Variants in NKAIN2 observed in about 807,000 individuals in gnomAD.
NKAIN2 encodes sodium/potassium-transporting ATPase subunit beta-1-interacting protein 2.
In NKAIN2, 14 loss-of-function variants were observed where a neutral mutation model predicts 32.6. That is an observed-to-expected ratio of 0.43 (90% CI 0.28 to 0.67). The LOEUF is 0.67. Ranked by LOEUF, NKAIN2 falls within the 30% of genes least tolerant of loss-of-function variation. The pLI is 0.17. For synonymous variants in NKAIN2, 80 were observed against 87.2 expected, an observed-to-expected ratio of 0.92 and a Z score of 0.46; for missense variants, 198 against 258.3, an observed-to-expected ratio of 0.77 and a Z score of 1.60.
chr6:124,674,211 T>C (rs1234051285), intron 4 of NKAIN2, among the ~76,000 whole-genome samples: 1 of 151,998 alleles, frequency 6.6e-6, no homozygotes, highest in Non-Finnish European at 1.5e-5. Context: ...TCTGTTTCAT[T>C]AGTCTATATG....
chr6:124,622,624 G>A (rs1032908222), intron 3 of NKAIN2, among the ~76,000 whole-genome samples: 2 of 152,098 alleles, frequency 1.3e-5, no homozygotes, highest in East Asian at 3.9e-4. Context: ...GATCACATTC[G>A]GGCTTAAAGG....
chr6:124,726,050 G>T (rs1348476216), intron 4 of NKAIN2, among the ~76,000 whole-genome samples: 3 of 152,220 alleles, frequency 2.0e-5, no homozygotes, highest in African/African-American at 7.2e-5. Flanking sequence ...CTGGCTTGGA[G>T]GGTCCTACGC....
At position 124,551,707 on chromosome 6, in the gene NKAIN2, T is replaced by A. The variant is rs530224529; in HGVS notation, c.274-106479T>A. Among the ~76,000 whole-genome samples, 4 of 152,348 alleles carry A rather than the reference T, an allele frequency of 2.6e-5. No individual in the cohort carries two copies. In the East Asian group the frequency reaches 7.7e-4, roughly 29 times the overall value. ...TGACAGCATCATTGTCAATCTTTTATCTGAAAACATTTCCTGTATCCCAAT... is the reference window on the plus strand; with the variant it reads ...TGACAGCATCATTGTCAATCTTTTAACTGAAAACATTTCCTGTATCCCAAT... On this transcript the variant is annotated intron_variant, in intron 3 of 6. Transcript: ENST00000368417.
intron 1 of NKAIN2, among the ~76,000 whole-genome samples, chr6:124,070,923 T>C (rs1783431886): frequency 6.6e-6 from 1 of 151,984 alleles, no homozygotes; most frequent in African/African-American, 2.4e-5. Context: ...TACTGGCACA[T>C]AAACAGGTTG....
At chr6:124,715,069 G>T (rs960970686) in intron 4 of NKAIN2, among the ~76,000 whole-genome samples, 7 of 152,186 alleles carry the variant, frequency 4.6e-5, no homozygotes, top group Admixed American at 3.9e-4. Flanking sequence ...CCCTGAAAAT[G>T]CTGGGAAGAG....
intron 3 of NKAIN2, among the ~76,000 whole-genome samples, chr6:124,532,650 A>C (rs1000490973): frequency 1.3e-5 from 2 of 152,104 alleles, no homozygotes; most frequent in African/African-American, 4.8e-5. Context: ...CTAATTCGTT[A>C]TTTTCCATGT....
intron 4 of NKAIN2, among the ~76,000 whole-genome samples, chr6:124,771,658 G>A (rs1050929456): frequency 7.9e-5 from 12 of 152,132 alleles, no homozygotes; most frequent in Non-Finnish European, 1.6e-4. Context: ...TTAAATAAAT[G>A]GCAGAATTAT....
At chr6:124,640,636 G>A (rs1783950672) in intron 3 of NKAIN2, among the ~76,000 whole-genome samples, 1 of 152,186 alleles carries the variant, frequency 6.6e-6, no homozygotes, top group Admixed American at 6.5e-5. Flanking sequence ...GTAACCAGCT[G>A]AGAAAATTCT....
chr6:124,412,915 A>T (rs958364613), intron 3 of NKAIN2, among the ~76,000 whole-genome samples: 5 of 152,090 alleles, frequency 3.3e-5, no homozygotes. Flanking sequence ...TTGCAGCTTG[A>T]TCTGAGACTG....
intron 2 of NKAIN2, among the ~76,000 whole-genome samples, chr6:124,311,701 A>G (rs1796724535): frequency 6.6e-6 from 1 of 152,288 alleles, no homozygotes; most frequent in South Asian, 2.1e-4. Flanking sequence ...TGCTCAGTAG[A>G]GCCCATTCTT....
intron 2 of NKAIN2, among the ~76,000 whole-genome samples, chr6:124,342,814 T>TTTTTTA (rs1181269834): frequency 6.9e-6 from 1 of 145,462 alleles, no homozygotes; most frequent in African/African-American, 2.6e-5. Flanking sequence ...CAGAAGATGT[T>TTTTTTA]TTATTATTAT....
At chr6:124,544,933 C>T (rs911552827) in intron 3 of NKAIN2, among the ~76,000 whole-genome samples, 5 of 152,072 alleles carry the variant, frequency 3.3e-5, no homozygotes, top group Admixed American at 6.6e-5. Context: ...GTCACATGGG[C>T]AGATCCTTCT....
At chr6:124,420,056 G>T (rs773430589) in intron 3 of NKAIN2, among the ~76,000 whole-genome samples, 16 of 152,080 alleles carry the variant, frequency 1.1e-4, no homozygotes, top group Non-Finnish European at 1.6e-4. Flanking sequence ...GTTAGCCAGG[G>T]TGAGTTAAAG....
intron 1 of NKAIN2, among the ~76,000 whole-genome samples, chr6:124,159,755 A>G (rs1439580918): frequency 6.6e-6 from 1 of 152,152 alleles, no homozygotes; most frequent in African/African-American, 2.4e-5. Context: ...TCAGAAACCC[A>G]AGCGCAAGAG....
chr6:123,920,756 T>C (rs1402330008), intron 1 of NKAIN2, among the ~76,000 whole-genome samples: 1 of 152,210 alleles, frequency 6.6e-6, no homozygotes, highest in African/African-American at 2.4e-5. Flanking sequence ...TCATTGGCCC[T>C]CTGCATCTAT....
At chr6:124,461,911 T>C (rs1193962698) in intron 3 of NKAIN2, among the ~76,000 whole-genome samples, 2 of 150,998 alleles carry the variant, frequency 1.3e-5, no homozygotes, top group East Asian at 1.9e-4. Context: ...TTGATTGAGG[T>C]TAATAAAAAA....
intron 3 of NKAIN2, among the ~76,000 whole-genome samples, chr6:124,569,728 T>G (rs1185123300): frequency 6.6e-6 from 1 of 152,198 alleles, no homozygotes; most frequent in Non-Finnish European, 1.5e-5. Context: ...AATCTCTTTT[T>G]CTTCCCAGTA....
At chr6:123,869,254 G>C (rs113561374) in intron 1 of NKAIN2, among the ~76,000 whole-genome samples, 2 of 152,160 alleles carry the variant, frequency 1.3e-5, no homozygotes, top group African/African-American at 4.8e-5. Flanking sequence ...CCTCTTATCA[G>C]AAAGTGTTCA....
In NKAIN2 at chr6:124,134,413, C is replaced by T. The variant is rs116475321; in HGVS notation, c.55-148592C>T. Reference sequence around the variant, plus strand: ...AGAATAATTGGTGTTCTTAAGGGCACGGTGGCTCATACTTATAATTCCAGC... The same window carrying T: ...AGAATAATTGGTGTTCTTAAGGGCATGGTGGCTCATACTTATAATTCCAGC... On this transcript the variant is annotated intron_variant, in intron 1 of 6. Coordinates refer to ENST00000368417, the MANE Select transcript of NKAIN2 (RefSeq NM_001040214.3). Among the ~76,000 whole-genome samples, 1,231 of 152,178 alleles carry T rather than the reference C, an allele frequency of 8.1e-3. 21 individuals are homozygous for T. The highest frequency in any genetic ancestry group is 0.028 in the African/African-American group (1,156 of 41,542).
Sources: allele counts gnomAD v4.1 joint callset (sites outside exome capture counted in the v4.1 genomes callset), GRCh38; gene constraint gnomAD v4.1.1; transcripts MANE v1.5; gene names NCBI Gene and HGNC (gene_info 2026-07-23, HGNC 2026-07-21).